Variants in ARHGAP39 observed in about 807,000 individuals in gnomAD.
ARHGAP39 encodes Rho GTPase activating protein 39.
A neutral mutation model predicts 106.9 loss-of-function variants in ARHGAP39; 44 were observed. The ratio of observed to expected loss-of-function variants is 0.41; its 90% CI spans 0.32 to 0.53. The LOEUF (loss-of-function observed/expected upper bound fraction) is 0.53, where lower values mean the gene tolerates loss of function less well. Among genes scored for constraint, ARHGAP39 ranks in the 20% least tolerant of loss-of-function variants. The pLI, the probability that ARHGAP39 is intolerant of heterozygous loss-of-function variation, is 0.21. For missense variants in ARHGAP39, 1,496 were observed against 1,577.3 expected, an observed-to-expected ratio of 0.95 and a Z score of 0.87; for synonymous variants, 768 against 693.2, an observed-to-expected ratio of 1.11 and a Z score of -1.69.
chr8:144,602,896 CAT>C (rs1241111292), intron 2 of ARHGAP39, among the ~76,000 whole-genome samples: 8 of 113,652 alleles, frequency 7.0e-5, no homozygotes, highest in African/African-American at 1.1e-4. Flanking sequence ...TGTGAGAGCT[CAT>C]GTACCTGTGT....
Position 144,585,821 on chromosome 8 carries a change from G to A in ARHGAP39, c.81-4544C>T, listed in dbSNP as rs868485143. Among the ~76,000 whole-genome samples the A allele has an allele frequency of 6.6e-6, 1 of 152,186 alleles. No homozygotes were observed. The highest frequency in any genetic ancestry group is 1.5e-5 in the Non-Finnish European group (1 of 68,024). On this transcript the variant is annotated intron_variant, in intron 2 of 11. Coordinates refer to ENST00000377307, the MANE Select transcript of ARHGAP39 (RefSeq NM_025251.3). The surrounding 1 kb of genome is among the most constrained non-coding windows in gnomAD (Gnocchi z 4.6). ...AATTTAAATGAGAAAGAGAATCCAA[G>A]GATCACACAAATAAAAATGGCAACT...
At chr8:144,653,708 G>C (rs1821628228) in intron 1 of ARHGAP39, among the ~76,000 whole-genome samples, 1 of 152,120 alleles carries the variant, frequency 6.6e-6, no homozygotes, top group African/African-American at 2.4e-5. Context: ...GACAGGGACT[G>C]GACTTGTCCT....
chr8:144,602,983 C>T (rs1431388587), intron 2 of ARHGAP39, among the ~76,000 whole-genome samples: 3 of 123,504 alleles, frequency 2.4e-5, no homozygotes, highest in Admixed American at 8.5e-5. Context: ...GCTCGTGTAC[C>T]TGTGTGCATG....
intron 3 of ARHGAP39, among the ~76,000 whole-genome samples, chr8:144,569,649 G>A (rs1243352468): frequency 2.0e-5 from 3 of 152,210 alleles, no homozygotes; most frequent in African/African-American, 7.2e-5. Flanking sequence ...ACAGGTGGGA[G>A]GGGAACAGGA....
At chr8:144,544,903 G>A (rs1283279570) in intron 6 of ARHGAP39, among the ~76,000 whole-genome samples, 2 of 152,270 alleles carry the variant, frequency 1.3e-5, no homozygotes, top group Non-Finnish European at 2.9e-5. Flanking sequence ...CAGGCACACA[G>A]GTGCCTGACT....
intron 3 of ARHGAP39, among the ~76,000 whole-genome samples, chr8:144,567,593 C>T (rs1000015872): frequency 2.0e-5 from 3 of 152,238 alleles, no homozygotes; most frequent in African/African-American, 7.2e-5. Flanking sequence ...GAGGCCTAAC[C>T]ATCTCCCTGT....
intron 1 of ARHGAP39, among the ~76,000 whole-genome samples, chr8:144,631,311 C>T (rs1389284575): frequency 6.6e-6 from 1 of 152,236 alleles, no homozygotes; most frequent in Non-Finnish European, 1.5e-5. Flanking sequence ...GCAGCAGGAA[C>T]GGACGAGGCC....
rs1243564927 is a variant in ARHGAP39 at position 144,545,819 on chromosome 8, G to A, written c.1960-9C>T. 8 of 1,445,970 alleles carry A rather than the reference G, an allele frequency of 5.5e-6. No individual in the cohort carries two copies. The highest frequency in any genetic ancestry group is 1.4e-5 in the African/African-American group (1 of 70,794). The allele number at this position is 1,445,970 out of a possible 1,614,324, so 89.6% of individuals were successfully genotyped here. A position where few individuals can be genotyped will look rare whatever the true frequency, so the allele number is the denominator to read the frequency against. On this transcript the variant is annotated splice_polypyrimidine_tract_variant and intron_variant, in intron 5 of 11. Transcript: ENST00000377307. The stretch of plus-strand genomic sequence containing the variant: ...GCAGCGAGGTCCTCAGACTGAGAAG[G>A]ACAAATGCGGCTGGGCTGTTGGGGG...
intron 3 of ARHGAP39, among the ~76,000 whole-genome samples, chr8:144,561,626 A>G (rs200687518): frequency 7.1e-4 from 42 of 58,940 alleles, no homozygotes; most frequent in African/African-American, 2.2e-3. Context: ...TTTCCATCGG[A>G]CCCCAGTGGT....
chr8:144,698,727 T>A, the ARHGAP39 span: 1 of 434,066 alleles, frequency 2.3e-6, no homozygotes, highest in Non-Finnish European at 4.6e-6. Flanking sequence ...TGGCACAGTC[T>A]GTACTGAGAG....
In ARHGAP39 at chr8:144,548,649, C is replaced by T. The variant is rs1278862388; in HGVS notation, c.597-160G>A. Among the ~76,000 whole-genome samples the T allele has an allele frequency of 6.6e-6, 1 of 152,172 alleles. No homozygotes were observed. The highest frequency in any genetic ancestry group is 1.5e-5 in the Non-Finnish European group (1 of 68,006). On this transcript the variant is annotated intron_variant, in intron 4 of 11. Transcript: ENST00000377307. This position sits in a 1 kb window ranked among gnomAD's most constrained non-coding sequence, Gnocchi z 7.4. ...TGGCGCCCCTCACACCTGCCTTGCC[C>T]CAGCACCCCCAGCCCTCCCTCTGGG... is the stretch of plus-strand genomic sequence containing the variant.
At chr8:144,588,167 G>A (rs1819253704) in intron 2 of ARHGAP39, among the ~76,000 whole-genome samples, 2 of 152,334 alleles carry the variant, frequency 1.3e-5, no homozygotes, top group East Asian at 1.9e-4. Context: ...GTGGGGACTC[G>A]TTGCCCTGGG....
intron 2 of ARHGAP39, among the ~76,000 whole-genome samples, chr8:144,602,016 G>A (rs1463950542): frequency 1.4e-5 from 2 of 140,108 alleles, no homozygotes; most frequent in South Asian, 2.3e-4. Context: ...TGTGCATGGA[G>A]GCGTGTGTGT....
intron 3 of ARHGAP39, among the ~76,000 whole-genome samples, chr8:144,557,332 C>G (rs1817970034): frequency 7.1e-6 from 1 of 140,906 alleles, no homozygotes; most frequent in African/African-American, 2.8e-5. Context: ...TATTCAGAGG[C>G]AAAGGCTGAA....
chr8:144,567,715 T>G (rs1181400751), intron 3 of ARHGAP39, among the ~76,000 whole-genome samples: 1 of 152,236 alleles, frequency 6.6e-6, no homozygotes, highest in East Asian at 1.9e-4. Flanking sequence ...TAAAAGTCTC[T>G]GATATGCAGA....
intron 1 of ARHGAP39, among the ~76,000 whole-genome samples, chr8:144,677,953 G>A (rs1380675474): frequency 6.6e-6 from 1 of 152,206 alleles, no homozygotes; most frequent in African/African-American, 2.4e-5. Context: ...TACAAGAGAG[G>A]CCCAGGAAGA....
At chr8:144,600,002 CGTGT>C in intron 2 of ARHGAP39, among the ~76,000 whole-genome samples, 1 of 152,300 alleles carries the variant, frequency 6.6e-6, no homozygotes, top group South Asian at 2.1e-4. Context: ...ACTGGGGCAC[CGTGT>C]GTGCTCAGCA....
chr8:144,637,741 C>T (rs1821208293), intron 1 of ARHGAP39, among the ~76,000 whole-genome samples: 1 of 151,966 alleles, frequency 6.6e-6, no homozygotes, highest in Non-Finnish European at 1.5e-5. Context: ...TGCTCGGTTG[C>T]CCAGGCTGGA....
chr8:144,551,859 A>G (rs1408765710), intron 4 of ARHGAP39, among the ~76,000 whole-genome samples: 1 of 152,332 alleles, frequency 6.6e-6, no homozygotes, highest in Non-Finnish European at 1.5e-5. Flanking sequence ...CCTTTCAGCC[A>G]GTCCGGCCTC....
Sources: allele counts gnomAD v4.1 joint callset (sites outside exome capture counted in the v4.1 genomes callset), GRCh38; gene constraint gnomAD v4.1.1; non-coding constraint Gnocchi (gnomAD v3.1); transcripts MANE v1.5; gene names NCBI Gene and HGNC (gene_info 2026-07-23, HGNC 2026-07-21).